Variants in KIF13B observed in about 807,000 individuals in gnomAD.
KIF13B encodes kinesin-like protein KIF13B.
Under a neutral mutation model 222.0 loss-of-function variants are expected in KIF13B, and 127 were observed. The ratio of observed to expected loss-of-function variants is 0.57; its 90% confidence interval spans 0.50 to 0.66. The LOEUF is 0.66. KIF13B is among the 30% of genes least tolerant of loss of function. KIF13B has a pLI of 0.00. For synonymous variants in KIF13B, 976 were observed against 919.0 expected (o/e 1.06, Z -1.12); for missense variants, 2,173 against 2,379.0 (o/e 0.91, Z 1.80).
At chr8:29,158,838 T>C (rs551485535) in intron 13 of KIF13B, among the ~76,000 whole-genome samples, 23 of 152,296 alleles carry the variant, frequency 1.5e-4, no homozygotes, top group Non-Finnish European at 2.1e-4. Context: ...ACCAGAAACT[T>C]TGATGACTCT....
chr8:29,147,386 G>T lies in KIF13B; in HGVS notation c.2024+6C>A, dbSNP rs181632003. ...TAAAGTTAACAGGCCCCTCTGTGCC[G>T]CCTACCTCTCCTCAGCCCACTGTCT... is the stretch of plus-strand genomic sequence containing the variant. On this transcript the variant is annotated splice_donor_region_variant and intron_variant, in intron 17 of 39. Coordinates refer to ENST00000524189, the MANE Select transcript of KIF13B (RefSeq NM_015254.4). The T allele has an allele frequency of 1.3e-6, 2 of 1,594,220 alleles. No individual in the cohort carries two copies. The highest frequency in any genetic ancestry group is 1.1e-5 in the South Asian group (1 of 87,934).
chr8:29,072,474 CAGG>C (rs1054143385), intron 38 of KIF13B, among the ~76,000 whole-genome samples, 158 bp from the exon 39 acceptor site: 7 of 152,296 alleles, frequency 4.6e-5, no homozygotes, highest in African/African-American at 1.7e-4. Context: ...CGCTTGAGCC[CAGG>C]AGTTCAAGAA....
chr8:29,095,966 T>G (rs745320655), intron 36 of KIF13B, among the ~76,000 whole-genome samples: 5 of 88,350 alleles, frequency 5.7e-5, no homozygotes, highest in East Asian at 2.4e-4. Context: ...ACAAGTAGTG[T>G]TTTTTTTTGT....
At chr8:29,260,514 A>G (rs1253579334) in intron 1 of KIF13B, among the ~76,000 whole-genome samples, 1 of 152,236 alleles carries the variant, frequency 6.6e-6, no homozygotes, top group Admixed American at 6.5e-5. Context: ...AATACTAATA[A>G]CTGTTCAAAG....
At chr8:29,145,580 AG>A (rs745307193) in intron 18 of KIF13B, among the ~76,000 whole-genome samples, 18 of 152,256 alleles carry the variant, frequency 1.2e-4, no homozygotes, top group Non-Finnish European at 1.9e-4. Flanking sequence ...GCAGTGACCC[AG>A]GATCACACCA....
intron 3 of KIF13B, among the ~76,000 whole-genome samples, chr8:29,192,060 C>A (rs916545771): frequency 6.6e-6 from 1 of 152,152 alleles, no homozygotes; most frequent in Non-Finnish European, 1.5e-5. Flanking sequence ...TTTTCCTCTC[C>A]TGATGGCCAC....
chr8:29,070,810 A>G lies in KIF13B; in HGVS notation c.5219-44T>C, dbSNP rs371449780. ...GTGATATGGAGGGCAGCCGAGCTGC[A>G]GACGGCCCCCTGCACCTCCCTTACC... On this transcript the variant is annotated intron_variant, in intron 39 of 39. Coordinates refer to ENST00000524189, the MANE Select transcript of KIF13B (RefSeq NM_015254.4). This position sits in a 1 kb window ranked among gnomAD's most constrained non-coding sequence, Gnocchi z 4.1. 3 of 1,566,330 alleles carry G rather than the reference A, an allele frequency of 1.9e-6. No individual in the cohort carries two copies. The highest frequency in any genetic ancestry group is 2.6e-6 in the Non-Finnish European group (3 of 1,156,264).
chr8:29,138,679 A>AT (rs1810672086), intron 21 of KIF13B: 1 of 152,146 alleles, frequency 6.6e-6, no homozygotes. Flanking sequence ...TTTTCAGCAA[A>AT]TGCATCTTAA....
Position 29,186,382 on chromosome 8 carries a change from T to C in KIF13B, c.407A>G (p.Lys136Arg). ...AAAACTCTGTTCTTCATTTTCCTCTTTCTGAGTTCGTTCAAAGAGTCCACT... is the reference window on the plus strand; with the variant it reads ...AAAACTCTGTTCTTCATTTTCCTCTCTCTGAGTTCGTTCAAAGAGTCCACT... ...LCSGLFERTQ[K>R]EENEEQSFKV... The change falls in exon 6 of 40, where the codon AAA (lysine) becomes AGA (arginine). Residue 136 changes from lysine to arginine, a missense_variant. Physicochemically the swap from Lys to Arg is conservative, Grantham distance 26. Transcript: ENST00000524189. 1.2e-6 allele frequency: 2 copies of C among 1,613,916 alleles called. No individual in the cohort carries two copies.
chr8:29,207,761 A>G (rs1249906731), intron 2 of KIF13B, among the ~76,000 whole-genome samples: 2 of 152,238 alleles, frequency 1.3e-5, no homozygotes, highest in African/African-American at 4.8e-5. Flanking sequence ...GAGACCAGGT[A>G]TACACTTAAT....
intron 3 of KIF13B, 32 bp downstream of exon 3, chr8:29,196,155 A>G: frequency 6.5e-7 from 1 of 1,544,696 alleles, no homozygotes; most frequent in Non-Finnish European, 8.8e-7. Flanking sequence ...TAAGATCTTT[A>G]CAAGCATCAC....
chr8:29,232,091 C>A (rs998995330), intron 2 of KIF13B, among the ~76,000 whole-genome samples: 1 of 151,230 alleles, frequency 6.6e-6, no homozygotes, highest in African/African-American at 2.4e-5. Flanking sequence ...CCCATCTCTA[C>A]AAAAAACACA....
chr8:29,144,533 C>G (rs770327003), intron 18 of KIF13B, among the ~76,000 whole-genome samples: 1 of 152,168 alleles, frequency 6.6e-6, no homozygotes, highest in Non-Finnish European at 1.5e-5. Flanking sequence ...GCTGGGATTA[C>G]AGGCATGAGC....
chr8:29,196,090 A>C, intron 3 of KIF13B, 97 bp downstream of exon 3: 1 of 1,046,736 alleles, frequency 9.6e-7, no homozygotes, highest in Non-Finnish European at 1.4e-6. Context: ...ACAAAATGAT[A>C]GAAAATATTT....
intron 35 of KIF13B, among the ~76,000 whole-genome samples, chr8:29,106,142 A>G (rs78029870): frequency 0.11 from 16,468 of 152,230 alleles, 1,060 homozygotes; most frequent in Middle Eastern, 0.17. Context: ...TCTTCAGGTA[A>G]TCACAACTGA....
At chr8:29,163,836 T>A (rs1041785867) in intron 12 of KIF13B, among the ~76,000 whole-genome samples, 1 of 152,196 alleles carries the variant, frequency 6.6e-6, no homozygotes, top group Non-Finnish European at 1.5e-5. Flanking sequence ...CTGTTTTCTA[T>A]CAGCACAATG....
At chr8:29,248,112 T>G (rs1044302380) in intron 1 of KIF13B, among the ~76,000 whole-genome samples, 5 of 152,132 alleles carry the variant, frequency 3.3e-5, no homozygotes, top group African/African-American at 1.2e-4. Flanking sequence ...TGTAAAATGG[T>G]GCAGTCACTT....
At chr8:29,260,612 TGTTTTA>T (rs1816644591) in intron 1 of KIF13B, among the ~76,000 whole-genome samples, 1 of 141,058 alleles carries the variant, frequency 7.1e-6, no homozygotes, top group Non-Finnish European at 1.6e-5. Flanking sequence ...AATATGGTTT[TGTTTTA>T]GTCTTTTTTT....
intron 2 of KIF13B, among the ~76,000 whole-genome samples, chr8:29,199,876 T>C (rs1317394612): frequency 6.6e-6 from 1 of 152,224 alleles, no homozygotes; most frequent in Non-Finnish European, 1.5e-5. Context: ...ATTTACTCTA[T>C]TTTATAGTAC....
Sources: gnomAD v4.1 joint callset for allele counts (sites outside exome capture counted in the v4.1 genomes callset) on GRCh38, gnomAD v4.1.1 for gene constraint, Gnocchi (gnomAD v3.1) non-coding constraint, MANE v1.5 for transcripts, NCBI Gene and HGNC (gene_info 2026-07-23, HGNC 2026-07-21) for gene names.